The following TRERF1 variants were observed in gnomAD, a reference collection of about 807,000 sequenced individuals.
The protein encoded by TRERF1 is transcriptional regulating factor 1, also known as transcriptional-regulating factor 1.
A neutral mutation model predicts 122.9 loss-of-function variants in TRERF1; 27 were observed. That is an observed-to-expected ratio of 0.22 (90% CI 0.16 to 0.30). The LOEUF (loss-of-function observed/expected upper bound fraction) is 0.30. Ranked by LOEUF, TRERF1 falls within the 10% of genes least tolerant of loss-of-function variation. The pLI is 1.00. For synonymous variants in TRERF1, 636 were observed against 641.7 expected, an observed-to-expected ratio of 0.99 and a Z score of 0.13; for missense variants, 1,248 against 1,560.3, an observed-to-expected ratio of 0.80 and a Z score of 3.37.
chr6:42,277,905 G>GGAAGAAAGAAGAA (rs1781497416), intron 4 of TRERF1, among the ~76,000 whole-genome samples: 1 of 85,008 alleles, frequency 1.2e-5, no homozygotes, highest in Non-Finnish European at 2.3e-5. Context: ...GAAGGAAGAA[G>GGAAGAAAGAAGAA]GAAGAAGAAG....
intron 2 of TRERF1, among the ~76,000 whole-genome samples, chr6:42,380,068 G>A (rs1032953516): frequency 1.3e-5 from 2 of 152,232 alleles, no homozygotes; most frequent in African/African-American, 4.8e-5. Context: ...GAGGTCTCTG[G>A]GGGAAGAGTG....
At chr6:42,293,876 C>A (rs887258498) in intron 4 of TRERF1, among the ~76,000 whole-genome samples, 5 of 152,078 alleles carry the variant, frequency 3.3e-5, no homozygotes, top group African/African-American at 9.7e-5. Flanking sequence ...TCAGACTCAC[C>A]TTCTGCAGAA....
At chr6:42,253,474 T>C (rs1456964579) in intron 13 of TRERF1, among the ~76,000 whole-genome samples, 1 of 152,200 alleles carries the variant, frequency 6.6e-6, no homozygotes, top group African/African-American at 2.4e-5. Context: ...GAGAGAGGAC[T>C]GAGCTGTTTC....
At chr6:42,332,594 G>A (rs1581640682) in intron 3 of TRERF1, among the ~76,000 whole-genome samples, 1 of 152,186 alleles carries the variant, frequency 6.6e-6, no homozygotes, top group African/African-American at 2.4e-5. Flanking sequence ...AAAGGAAGGA[G>A]ATAGCCCTTG....
At chr6:42,420,093 T>G (rs2151546941) in intron 2 of TRERF1, among the ~76,000 whole-genome samples, 1 of 152,324 alleles carries the variant, frequency 6.6e-6, no homozygotes, top group East Asian at 1.9e-4. Flanking sequence ...GGAAGCAATG[T>G]GATTTAACCT....
intron 13 of TRERF1, among the ~76,000 whole-genome samples, chr6:42,249,690 A>G (rs1775419562): frequency 1.3e-5 from 2 of 152,134 alleles, no homozygotes; most frequent in Non-Finnish European, 2.9e-5. Flanking sequence ...CTCCCATTCC[A>G]AGGGATACAG....
At chr6:42,448,510 T>G (rs1309779879) in intron 2 of TRERF1, among the ~76,000 whole-genome samples, 1 of 152,172 alleles carries the variant, frequency 6.6e-6, no homozygotes, top group African/African-American at 2.4e-5. Context: ...ATCCACTTTC[T>G]CCATGAGAAG....
chr6:42,331,756 T>C (rs542017596), intron 3 of TRERF1, among the ~76,000 whole-genome samples: 287 of 152,276 alleles, frequency 1.9e-3, no homozygotes, highest in African/African-American at 6.5e-3. Flanking sequence ...TCCATGCCAC[T>C]GAGTTCCAGG....
At chr6:42,238,101 C>T (rs966030002) in intron 15 of TRERF1, among the ~76,000 whole-genome samples, 2 of 152,148 alleles carry the variant, frequency 1.3e-5, no homozygotes, top group African/African-American at 4.8e-5. Context: ...TTCTGTAAGA[C>T]TCCACCATCT....
intron 13 of TRERF1, among the ~76,000 whole-genome samples, chr6:42,250,281 T>A (rs1250845655): frequency 6.6e-6 from 1 of 152,214 alleles, no homozygotes; most frequent in East Asian, 1.9e-4. Context: ...TGCTGATATG[T>A]GGACAGTGGC....
chr6:42,288,574 C>CAAAAAAAAAAAAA (rs3074797), intron 4 of TRERF1, among the ~76,000 whole-genome samples: 4 of 86,546 alleles, frequency 4.6e-5, no homozygotes, highest in African/African-American at 2.0e-4. Flanking sequence ...ATCTCAAAAC[C>CAAAAAAAAAAAAA]AAAAAAAAAA....
At chr6:42,364,244 G>C (rs1772301248) in intron 2 of TRERF1, among the ~76,000 whole-genome samples, 1 of 152,218 alleles carries the variant, frequency 6.6e-6, no homozygotes, top group Middle Eastern at 3.4e-3. Flanking sequence ...CATCCCTGGA[G>C]CACTCTTCCC....
At chr6:42,284,137 GA>G (rs1782785371) in intron 4 of TRERF1, among the ~76,000 whole-genome samples, 2 of 152,140 alleles carry the variant, frequency 1.3e-5, no homozygotes, top group African/African-American at 4.8e-5. Flanking sequence ...AAAGGAGCCA[GA>G]AGTAGAGAAT....
intron 2 of TRERF1, among the ~76,000 whole-genome samples, chr6:42,397,727 G>T (rs1042641636): frequency 6.6e-6 from 1 of 152,194 alleles, no homozygotes; most frequent in African/African-American, 2.4e-5. Flanking sequence ...CATCAGAAGT[G>T]CATTAATAAC....
chr6:42,435,809 A>G (rs118042869), intron 2 of TRERF1, among the ~76,000 whole-genome samples: 2,181 of 134,776 alleles, frequency 0.016, 41 homozygotes, highest in East Asian at 0.1. Flanking sequence ...CCCCGTCTTT[A>G]CCAAAAAAAA....
chr6:42,254,830 A>T (rs547607408), intron 13 of TRERF1, 21 bp downstream of exon 13: 1 of 1,612,924 alleles, frequency 6.2e-7, no homozygotes, highest in South Asian at 1.1e-5. Context: ...GCAACAGGAC[A>T]CAGGGCTCCT....
At chr6:42,230,248 C>T (rs1377792118) in intron 17 of TRERF1, among the ~76,000 whole-genome samples, 1 of 152,040 alleles carries the variant, frequency 6.6e-6, no homozygotes, top group Non-Finnish European at 1.5e-5. Flanking sequence ...ATTTTGTGAA[C>T]ATTTGCCTAA....
chr6:42,331,407 C>T (rs1012568345), intron 3 of TRERF1, among the ~76,000 whole-genome samples: 32 of 152,234 alleles, frequency 2.1e-4, no homozygotes, highest in African/African-American at 7.0e-4. Flanking sequence ...AGTCAGAAGG[C>T]AGGAGACTAA....
intron 2 of TRERF1, among the ~76,000 whole-genome samples, chr6:42,392,404 C>G (rs754962964): frequency 1.3e-5 from 2 of 152,220 alleles, no homozygotes; most frequent in Middle Eastern, 3.4e-3. Flanking sequence ...TTAGGACGTA[C>G]CTGGGACACA....
Sources: allele counts gnomAD v4.1 joint callset (sites outside exome capture counted in the v4.1 genomes callset), GRCh38; gene constraint gnomAD v4.1.1; transcripts MANE v1.5; gene names NCBI Gene and HGNC (gene_info 2026-07-23, HGNC 2026-07-21).